The following ENOX1 variants were observed in gnomAD, a reference collection of about 807,000 sequenced individuals.
ENOX1 encodes candidate growth-related and time keeping constitutive hydroquinone (NADH) oxidase.
Under a neutral mutation model 82.5 loss-of-function variants are expected in ENOX1, and 42 were observed. The observed-to-expected ratio is 0.51, with a 90% CI of 0.40 to 0.66. The LOEUF (loss-of-function observed/expected upper bound fraction) is 0.66. Among genes scored for constraint, ENOX1 ranks in the 30% least tolerant of loss-of-function variants. ENOX1 has a pLI of 0.00. For synonymous variants in ENOX1, 271 were observed against 282.2 expected (o/e 0.96, Z 0.40); for missense variants, 608 against 811.6 (o/e 0.75, Z 3.05).
intron 5 of ENOX1, among the ~76,000 whole-genome samples, chr13:43,397,505 G>A (rs2053227316): frequency 6.6e-6 from 1 of 152,042 alleles, no homozygotes; most frequent in Non-Finnish European, 1.5e-5. Context: ...AACTGATGGC[G>A]GTCACAATGG....
chr13:43,689,246 G>A (rs748338276), intron 1 of ENOX1, among the ~76,000 whole-genome samples: 7 of 152,058 alleles, frequency 4.6e-5, no homozygotes, highest in Non-Finnish European at 8.8e-5. Flanking sequence ...ACATAGAGAG[G>A]TCAAGAAGGC....
At chr13:43,445,336 G>T (rs1011805317) in intron 3 of ENOX1, among the ~76,000 whole-genome samples, 1 of 152,030 alleles carries the variant, frequency 6.6e-6, no homozygotes, top group African/African-American at 2.4e-5. Context: ...TGTTAGCCAG[G>T]ATGGTCTTGA....
intron 2 of ENOX1, among the ~76,000 whole-genome samples, chr13:43,531,260 T>C (rs1456767421): frequency 3.3e-5 from 5 of 151,832 alleles, no homozygotes; most frequent in South Asian, 2.1e-4. Flanking sequence ...GAAAAGTGGG[T>C]GAAGGATATG....
chr13:43,407,550 G>A (rs372123570), intron 5 of ENOX1, among the ~76,000 whole-genome samples: 5 of 152,082 alleles, frequency 3.3e-5, no homozygotes, highest in Non-Finnish European at 4.4e-5. Context: ...TTTAAGCCCC[G>A]CATGCATTAG....
At chr13:43,731,295 T>C (rs1469564124) in intron 1 of ENOX1, among the ~76,000 whole-genome samples, 1 of 152,246 alleles carries the variant, frequency 6.6e-6, no homozygotes, top group East Asian at 1.9e-4. Flanking sequence ...ATGTTCTCTC[T>C]GTTGAGATAT....
At chr13:43,364,763 T>C (rs2050742453) in intron 5 of ENOX1, among the ~76,000 whole-genome samples, 1 of 152,180 alleles carries the variant, frequency 6.6e-6, no homozygotes, top group Non-Finnish European at 1.5e-5. Context: ...GAGGTAACAG[T>C]AGTAAGTTCC....
chr13:43,529,886 T>C (rs1454451104), intron 2 of ENOX1, among the ~76,000 whole-genome samples: 1 of 152,108 alleles, frequency 6.6e-6, no homozygotes, highest in Non-Finnish European at 1.5e-5. Flanking sequence ...AGCCAATAAC[T>C]AAAAATTGTT....
chr13:43,318,437 T>C (rs2047633599), intron 11 of ENOX1, among the ~76,000 whole-genome samples: 2 of 152,220 alleles, frequency 1.3e-5, no homozygotes, highest in African/African-American at 4.8e-5. Context: ...CACAGCACCT[T>C]GGACATACAA....
chr13:43,271,894 G>A (rs2044706822), intron 12 of ENOX1, among the ~76,000 whole-genome samples: 1 of 151,692 alleles, frequency 6.6e-6, no homozygotes, highest in Non-Finnish European at 1.5e-5. Flanking sequence ...TCATTGTTTT[G>A]TGTGTTTTTT....
chr13:43,470,364 A>G lies in ENOX1; in HGVS notation c.-75+13645T>C, dbSNP rs1204395071. On this transcript the variant is annotated intron_variant, in intron 3 of 16. Coordinates refer to ENST00000690772, the MANE Select transcript of ENOX1 (RefSeq NM_001347969.2). ...TACGTATATATATATGTATATATATACGTATATATATACATATATATACGT... is the reference window on the plus strand; with the variant it reads ...TACGTATATATATATGTATATATATGCGTATATATATACATATATATACGT... Among the ~76,000 whole-genome samples the G allele has an allele frequency of 1.0e-3, 27 of 26,474 alleles. 5 individuals carry two copies. In the East Asian group the frequency reaches 0.011, roughly 11 times the overall value. 17.4% of individuals were successfully genotyped at this position (26,474 alleles called of 152,430 possible).
chr13:43,744,918 G>A (rs1302652606), intron 1 of ENOX1, among the ~76,000 whole-genome samples: 2 of 152,150 alleles, frequency 1.3e-5, no homozygotes, highest in Non-Finnish European at 2.9e-5. Flanking sequence ...TTAGCATTAC[G>A]GATTACTAAC....
chr13:43,715,426 T>C (rs2088048272), intron 1 of ENOX1, among the ~76,000 whole-genome samples: 1 of 152,108 alleles, frequency 6.6e-6, no homozygotes. Flanking sequence ...GGAGTATCTT[T>C]GTGGCTCTTC....
chr13:43,746,382 T>C (rs992507280), intron 1 of ENOX1, among the ~76,000 whole-genome samples: 5 of 152,066 alleles, frequency 3.3e-5, no homozygotes, highest in African/African-American at 1.2e-4. Context: ...TTAGGAAAAA[T>C]TCTTTGGACA....
At position 43,681,493 on chromosome 13, in the gene ENOX1, C is replaced by G. The variant is rs533457772; in HGVS notation, c.-284-13949G>C. On this transcript the variant is annotated intron_variant, in intron 1 of 16. Coordinates refer to ENST00000690772, the MANE Select transcript of ENOX1 (RefSeq NM_001347969.2). ...TAAATTTTTCTCTTGGGAAGAAAAT[C>G]TTGAGAATTTTTTTTAAATGAGTTA... 2.7e-4 allele frequency among the ~76,000 whole-genome samples: 41 copies of G among 152,156 alleles called. No individual in the cohort carries two copies. In the South Asian group the frequency reaches 7.7e-3, roughly 28 times the overall value.
At position 43,467,922 on chromosome 13, in the gene ENOX1, A is replaced by G. The variant is rs1007601965; in HGVS notation, c.-75+16087T>C. Among the ~76,000 whole-genome samples the G allele has an allele frequency of 1.8e-4, 27 of 152,172 alleles. 1 individual carries two copies. Among genetic ancestry groups the G allele is most frequent in the Admixed American group, 1.7e-3 (26 of 15,276 alleles). On this transcript the variant is annotated intron_variant, in intron 3 of 16. Coordinates refer to ENST00000690772, the MANE Select transcript of ENOX1 (RefSeq NM_001347969.2). ...CCCAGAACCATTTGTTGAAAAGACTATTCTTTCTTCCATTGAATTGCTCTG... is the reference window on the plus strand; with the variant it reads ...CCCAGAACCATTTGTTGAAAAGACTGTTCTTTCTTCCATTGAATTGCTCTG...
chr13:43,690,487 T>C (rs1180962900), intron 1 of ENOX1, among the ~76,000 whole-genome samples: 1 of 152,172 alleles, frequency 6.6e-6, no homozygotes, highest in African/African-American at 2.4e-5. Flanking sequence ...AGTTGGCAGT[T>C]CAGTAGCACA....
chr13:43,260,927 C>T (rs2044019914), intron 14 of ENOX1, among the ~76,000 whole-genome samples: 1 of 152,178 alleles, frequency 6.6e-6, no homozygotes, highest in African/African-American at 2.4e-5. Context: ...TTAATATATC[C>T]AGTTCCAACT....
chr13:43,756,725 A>G (rs1163564939), intron 1 of ENOX1, among the ~76,000 whole-genome samples: 1 of 152,156 alleles, frequency 6.6e-6, no homozygotes, highest in Non-Finnish European at 1.5e-5. Context: ...GAAGCAGTTG[A>G]GCTGAAATTG....
intron 1 of ENOX1, among the ~76,000 whole-genome samples, chr13:43,777,013 A>C (rs1951957357): frequency 6.6e-6 from 1 of 152,244 alleles, no homozygotes; most frequent in Non-Finnish European, 1.5e-5. Context: ...GGAGGATAGA[A>C]ATGCTGGTGA....
Sources: allele counts gnomAD v4.1 joint callset (sites outside exome capture counted in the v4.1 genomes callset), GRCh38; gene constraint gnomAD v4.1.1; transcripts MANE v1.5; gene names NCBI Gene and HGNC (gene_info 2026-07-23, HGNC 2026-07-21).